The following ZNF644 variants were observed in gnomAD, a reference collection of about 807,000 sequenced individuals.
The protein encoded by ZNF644 is zinc finger motif enhancer binding protein 2.
Under a neutral mutation model 108.0 loss-of-function variants are expected in ZNF644, and 20 were observed. The observed-to-expected ratio is 0.19, with a 90% CI of 0.13 to 0.27. The LOEUF (loss-of-function observed/expected upper bound fraction) is 0.27. Ranked by LOEUF, ZNF644 falls within the 10% of genes least tolerant of loss-of-function variation. The pLI is 1.00. For synonymous variants in ZNF644, 542 were observed against 539.1 expected (o/e 1.01, Z -0.08); for missense variants, 1,338 against 1,548.9 (o/e 0.86, Z 2.29).
chr1:90,982,089 A>C (rs1656606159), intron 2 of ZNF644, among the ~76,000 whole-genome samples: 1 of 152,100 alleles, frequency 6.6e-6, no homozygotes, highest in Non-Finnish European at 1.5e-5. Flanking sequence ...ACCTCAACAC[A>C]AAAGAAGGAA....
intron 2 of ZNF644, among the ~76,000 whole-genome samples, chr1:90,975,636 G>A (rs1456197678): frequency 6.6e-6 from 1 of 152,006 alleles, no homozygotes; most frequent in African/African-American, 2.4e-5. Flanking sequence ...TAGAGACAGA[G>A]TTTCACCACG....
chr1:90,936,277 T>G (rs1201273133), intron 4 of ZNF644, among the ~76,000 whole-genome samples: 1 of 152,204 alleles, frequency 6.6e-6, no homozygotes, highest in Non-Finnish European at 1.5e-5. Flanking sequence ...TCAGCATTAC[T>G]GTGATAGCCA....
rs958680222 is a variant in ZNF644 at position 90,940,920 on chromosome 1, T to G, written c.434A>C (p.Asp145Ala). Residue 145 changes from aspartate to alanine, a missense_variant, in exon 3 of 6, where the codon GAT becomes GCT. Asp to Ala is a moderately radical substitution (Grantham distance 126). This residue lies in a region of ZNF644 where 464 missense variants were observed against 457.9 expected (regional missense o/e 1.01). Transcript: ENST00000337393. ...TGAACAAGATTCTGTTGTTGGCTGA[T>G]CCACAGGCTGTCCAGTGGTTAATGA... The part of the protein sequence containing the change: ...SVSLTTGQPV[D>A]QPTTESCSTL... 1 of 1,614,102 alleles carries G rather than the reference T, an allele frequency of 6.2e-7. No homozygotes were observed. Among genetic ancestry groups the G allele is most frequent in the Non-Finnish European group, 8.5e-7 (1 of 1,179,978 alleles).
At chr1:90,992,214 T>C (rs1164600628) in intron 1 of ZNF644, among the ~76,000 whole-genome samples, 7 of 152,196 alleles carry the variant, frequency 4.6e-5, no homozygotes, top group African/African-American at 1.7e-4. Flanking sequence ...TCTTGAATGA[T>C]TTCATAGGTA....
chr1:90,974,791 CAGAT>C (rs1655832899), intron 2 of ZNF644, among the ~76,000 whole-genome samples: 1 of 152,178 alleles, frequency 6.6e-6, no homozygotes, highest in African/African-American at 2.4e-5. Context: ...TTTGCTAAAA[CAGAT>C]AGAATAAAGT....
At chr1:91,001,729 AAAG>A (rs1658852280) in intron 1 of ZNF644, among the ~76,000 whole-genome samples, 1 of 152,208 alleles carries the variant, frequency 6.6e-6, no homozygotes, top group Admixed American at 6.5e-5. Flanking sequence ...TCAGTTAGGA[AAAG>A]AAGAAGTCAA....
At chr1:90,936,386 T>C (rs564192262) in intron 4 of ZNF644, among the ~76,000 whole-genome samples, 5 of 152,284 alleles carry the variant, frequency 3.3e-5, no homozygotes, top group South Asian at 2.1e-4. Context: ...TTGAAAGCTA[T>C]TGACTTTCAG....
intron 4 of ZNF644, among the ~76,000 whole-genome samples, chr1:90,929,458 A>G (rs1336066492): frequency 2.0e-5 from 3 of 152,210 alleles, no homozygotes; most frequent in African/African-American, 7.2e-5. Context: ...GCTCATTTGG[A>G]GTTTAATCTT....
intron 2 of ZNF644, among the ~76,000 whole-genome samples, chr1:90,962,620 C>T (rs1654446294): frequency 6.6e-6 from 1 of 152,048 alleles, no homozygotes; most frequent in African/African-American, 2.4e-5. Context: ...TAACCTCACC[C>T]ACTAGTGACA....
chr1:91,006,956 G>A (rs1659486360), intron 1 of ZNF644, among the ~76,000 whole-genome samples: 1 of 151,992 alleles, frequency 6.6e-6, no homozygotes, highest in African/African-American at 2.4e-5. Flanking sequence ...TGAATAGTTT[G>A]GAAATAACTT....
At chr1:90,987,995 G>C (rs1348509182) in intron 1 of ZNF644, among the ~76,000 whole-genome samples, 1 of 152,062 alleles carries the variant, frequency 6.6e-6, no homozygotes, top group Admixed American at 6.6e-5. Context: ...CTAAGATAGA[G>C]AACAAAGCAA....
intron 1 of ZNF644, among the ~76,000 whole-genome samples, chr1:91,005,141 A>T (rs1557655976): frequency 6.6e-6 from 1 of 152,102 alleles, no homozygotes; most frequent in Non-Finnish European, 1.5e-5. Flanking sequence ...AAGATAAAAA[A>T]AGTTATACCA....
chr1:91,009,713 A>G (rs144817020), intron 1 of ZNF644, among the ~76,000 whole-genome samples: 125 of 152,322 alleles, frequency 8.2e-4, no homozygotes, highest in African/African-American at 2.8e-3. Context: ...TTTACTTAGG[A>G]AAACACCATT....
chr1:91,012,530 T>C (rs942651476), intron 1 of ZNF644, among the ~76,000 whole-genome samples: 1 of 152,058 alleles, frequency 6.6e-6, no homozygotes, highest in Non-Finnish European at 1.5e-5. Context: ...AACTAATTTA[T>C]GGTGATAGAG....
At chr1:90,925,599 A>G (rs1649939626) in intron 4 of ZNF644, among the ~76,000 whole-genome samples, 1 of 151,636 alleles carries the variant, frequency 6.6e-6, no homozygotes, top group Non-Finnish European at 1.5e-5. Context: ...TCCCAAACAT[A>G]TATTAAAAAA....
intron 1 of ZNF644, among the ~76,000 whole-genome samples, chr1:91,007,220 A>ATTTTGT (rs1318696445): frequency 3.3e-5 from 1 of 30,276 alleles, no homozygotes; most frequent in African/African-American, 1.5e-4. Flanking sequence ...ATTTTCTCCC[A>ATTTTGT]TTTTGTTTTT....
At chr1:91,016,524 C>T (rs1031890809) in intron 1 of ZNF644, among the ~76,000 whole-genome samples, 1 of 152,098 alleles carries the variant, frequency 6.6e-6, no homozygotes, top group African/African-American at 2.4e-5. Context: ...AAACATAGAA[C>T]ATAAAATACA....
At chr1:90,985,881 G>A (rs1228750685) in intron 1 of ZNF644, among the ~76,000 whole-genome samples, 2 of 152,044 alleles carry the variant, frequency 1.3e-5, no homozygotes, top group African/African-American at 4.8e-5. Context: ...GTGCCATACT[G>A]TTTTCCATAA....
chr1:90,968,924 C>T (rs1229411069), intron 2 of ZNF644, among the ~76,000 whole-genome samples: 1 of 152,166 alleles, frequency 6.6e-6, no homozygotes, highest in Non-Finnish European at 1.5e-5. Context: ...CAATGCACCA[C>T]ATCTTGTTAT....
Sources: gnomAD v4.1 joint callset for allele counts (sites outside exome capture counted in the v4.1 genomes callset) on GRCh38, gnomAD v4.1.1 for gene constraint, gnomAD v4.1.1 regional missense constraint, MANE v1.5 for transcripts, NCBI Gene and HGNC (gene_info 2026-07-23, HGNC 2026-07-21) for gene names.